Variants in CACNA1E observed in about 807,000 individuals in gnomAD.
The protein encoded by CACNA1E is voltage-dependent R-type calcium channel subunit alpha-1E.
CACNA1E carries 40 observed loss-of-function variants against 259.2 expected under a neutral mutation model. The ratio of observed to expected loss-of-function variants is 0.15; its 90% CI spans 0.12 to 0.20. The LOEUF is 0.20. CACNA1E is among the 10% of genes least tolerant of loss of function. The pLI, the probability that CACNA1E is intolerant of heterozygous loss-of-function variation, is 1.00. For synonymous variants in CACNA1E, 1,104 were observed against 1,138.5 expected (o/e 0.97, Z 0.61); for missense variants, 1,874 against 3,040.1 (o/e 0.62, Z 9.02).
chr1:181,387,122 G>A (rs941566536), intron 1 of CACNA1E, among the ~76,000 whole-genome samples: 3 of 152,080 alleles, frequency 2.0e-5, no homozygotes, highest in Non-Finnish European at 4.4e-5. Context: ...TCCTTGAGAA[G>A]CCAAGCCGTG....
intron 3 of CACNA1E, among the ~76,000 whole-genome samples, chr1:181,552,910 T>C (rs1425528701): frequency 1.3e-5 from 2 of 152,230 alleles, no homozygotes; most frequent in Non-Finnish European, 1.5e-5. Context: ...AGCCTTGTAG[T>C]ATAGTTTGAA....
intron 7 of CACNA1E, among the ~76,000 whole-genome samples, chr1:181,654,165 AAC>A (rs559233921): frequency 7.9e-5 from 12 of 151,796 alleles, no homozygotes; most frequent in Non-Finnish European, 1.6e-4. Context: ...TAAAAAAAAA[AAC>A]ATTTAGAGGT....
intron 7 of CACNA1E, among the ~76,000 whole-genome samples, chr1:181,671,305 C>A (rs1051837497): frequency 6.6e-6 from 1 of 152,304 alleles, no homozygotes; most frequent in Middle Eastern, 3.4e-3. Context: ...GGATTACAGG[C>A]GTGATCTACT....
At chr1:181,670,451 T>C (rs1648678359) in intron 7 of CACNA1E, among the ~76,000 whole-genome samples, 1 of 152,174 alleles carries the variant, frequency 6.6e-6, no homozygotes, top group African/African-American at 2.4e-5. Context: ...TAGCAAAATA[T>C]TGAAATTACT....
chr1:181,537,182 C>G (rs1668244216), intron 3 of CACNA1E, among the ~76,000 whole-genome samples: 1 of 151,172 alleles, frequency 6.6e-6, no homozygotes, highest in Non-Finnish European at 1.5e-5. Context: ...TCACTGCACC[C>G]TCCACCTCCA....
intron 1 of CACNA1E, among the ~76,000 whole-genome samples, chr1:181,491,447 T>G (rs1218866112): frequency 6.6e-6 from 1 of 152,232 alleles, no homozygotes. Flanking sequence ...GTGATATTCA[T>G]GCTGCTGGTC....
At chr1:181,644,281 A>C (rs775169744) in intron 6 of CACNA1E, among the ~76,000 whole-genome samples, 1 of 152,158 alleles carries the variant, frequency 6.6e-6, no homozygotes, top group Non-Finnish European at 1.5e-5. Context: ...TTGGTTCTAG[A>C]TTGTGGCCCC....
At chr1:181,424,885 T>A (rs1450429517) in intron 2 of CACNA1E, among the ~76,000 whole-genome samples, 1 of 152,008 alleles carries the variant, frequency 6.6e-6, no homozygotes, top group Non-Finnish European at 1.5e-5. Flanking sequence ...GAGGCTCAGG[T>A]GAATCAGTCC....
chr1:181,752,386 A>C, intron 27 of CACNA1E, 147 bp downstream of exon 27: 1 of 646,620 alleles, frequency 1.5e-6, no homozygotes, highest in South Asian at 1.9e-5. Flanking sequence ...GCCTGAGCTA[A>C]AGGTCTTAGT....
intron 44 of CACNA1E, among the ~76,000 whole-genome samples, chr1:181,791,019 C>A (rs1055365544): frequency 6.6e-6 from 1 of 152,204 alleles, no homozygotes; most frequent in Non-Finnish European, 1.5e-5. Flanking sequence ...GCAGCATGTG[C>A]CACAGTGATG....
At chr1:181,326,311 C>T (rs1233384595) in intron 1 of CACNA1E, among the ~76,000 whole-genome samples, 2 of 152,074 alleles carry the variant, frequency 1.3e-5, no homozygotes, top group Admixed American at 6.5e-5. Flanking sequence ...AGGTTTGGAC[C>T]CCTAATTAAA....
At chr1:181,695,976 A>G (rs1358552134) in intron 7 of CACNA1E, among the ~76,000 whole-genome samples, 1 of 152,174 alleles carries the variant, frequency 6.6e-6, no homozygotes, top group African/African-American at 2.4e-5. Context: ...TTAATAAATA[A>G]GAATCTAGAC....
At chr1:181,479,229 G>A (rs962096714), upstream of CACNA1E, among the ~76,000 whole-genome samples, 6 of 152,192 alleles carry the variant, frequency 3.9e-5, no homozygotes, top group Non-Finnish European at 8.8e-5. Context: ...AGTCCCATAG[G>A]GGAGTAGAGG....
At chr1:181,465,083 C>G (rs1558024862) in intron 2 of CACNA1E, among the ~76,000 whole-genome samples, 1 of 152,062 alleles carries the variant, frequency 6.6e-6, no homozygotes, top group African/African-American at 2.4e-5. Context: ...ATAGTAAACT[C>G]TCTATTTTCC....
intron 28 of CACNA1E, among the ~76,000 whole-genome samples, 154 bp downstream of exon 28, chr1:181,755,551 TGAGTGCCTCTTTTGTGTCAG>T: frequency 6.6e-6 from 1 of 152,388 alleles, no homozygotes; most frequent in South Asian, 2.1e-4. Context: ...AACTTTTTAC[TGAGTGCCTCTTTTGTGTCAG>T]ACACGAAAAC....
chr1:181,440,347 A>G (rs1660378447), intron 2 of CACNA1E, among the ~76,000 whole-genome samples: 1 of 152,210 alleles, frequency 6.6e-6, no homozygotes, highest in African/African-American at 2.4e-5. Flanking sequence ...GAAATTCTTC[A>G]AAGGAAATTA....
chr1:181,624,453 T>G (rs974588741), intron 6 of CACNA1E, among the ~76,000 whole-genome samples: 7 of 152,240 alleles, frequency 4.6e-5, no homozygotes, highest in Admixed American at 2.6e-4. Flanking sequence ...CCTGCTGCTC[T>G]TCTATCAACT....
intron 1 of CACNA1E, among the ~76,000 whole-genome samples, chr1:181,497,230 A>G (rs1664837418): frequency 6.6e-6 from 1 of 152,318 alleles, no homozygotes; most frequent in South Asian, 2.1e-4. Flanking sequence ...GTACAGGCTG[A>G]GAAAGACTGA....
intron 3 of CACNA1E, among the ~76,000 whole-genome samples, chr1:181,540,000 T>A (rs1243975411): frequency 6.6e-6 from 1 of 152,198 alleles, no homozygotes; most frequent in Admixed American, 6.5e-5. Context: ...TCCTCTTTGG[T>A]CTCTCTCCTC....
Sources: gnomAD v4.1 joint callset for allele counts (sites outside exome capture counted in the v4.1 genomes callset) on GRCh38, gnomAD v4.1.1 for gene constraint, MANE v1.5 for transcripts, NCBI Gene and HGNC (gene_info 2026-07-23, HGNC 2026-07-21) for gene names.